PTPN14: variants seen among roughly 807,000 people sequenced by gnomAD.
The protein encoded by PTPN14 is tyrosine-protein phosphatase non-receptor type 14.
In PTPN14, 53 loss-of-function variants were observed where a neutral mutation model predicts 126.8. That is an observed-to-expected ratio of 0.42 (90% CI 0.34 to 0.53). The LOEUF (loss-of-function observed/expected upper bound fraction) is 0.53, where lower values mean the gene tolerates loss of function less well. Ranked by LOEUF, PTPN14 falls within the 20% of genes least tolerant of loss-of-function variation. The probability of loss-of-function intolerance (pLI) is 0.08; values close to 1 mark genes in which losing one functional copy is unlikely to be tolerated. For synonymous variants in PTPN14, 630 were observed against 599.3 expected (o/e 1.05, Z -0.75); for missense variants, 1,257 against 1,552.9 (o/e 0.81, Z 3.20).
At chr1:214,518,436 G>C (rs1037568235) in intron 1 of PTPN14, among the ~76,000 whole-genome samples, 1 of 152,150 alleles carries the variant, frequency 6.6e-6, no homozygotes, top group Admixed American at 6.5e-5. Context: ...TATTAAATAT[G>C]TTACATTACA....
intron 1 of PTPN14, among the ~76,000 whole-genome samples, chr1:214,491,579 A>G (rs1299234408): frequency 6.6e-6 from 1 of 152,084 alleles, no homozygotes; most frequent in Non-Finnish European, 1.5e-5. Flanking sequence ...ATGAGAATCA[A>G]CTGCTGCTGT....
At chr1:214,463,336 C>A (rs1233493185) in intron 2 of PTPN14, among the ~76,000 whole-genome samples, 1 of 151,452 alleles carries the variant, frequency 6.6e-6, no homozygotes, top group Non-Finnish European at 1.5e-5. Flanking sequence ...AGAGAGCCAG[C>A]TACCCATCAA....
At chr1:214,541,136 G>C (rs982325558) in intron 1 of PTPN14, among the ~76,000 whole-genome samples, 3 of 151,626 alleles carry the variant, frequency 2.0e-5, no homozygotes, top group Non-Finnish European at 2.9e-5. Context: ...CTATTATTAG[G>C]GATATTATTA....
chr1:214,533,836 C>CAA (rs1453330162), intron 1 of PTPN14, among the ~76,000 whole-genome samples: 1 of 48,616 alleles, frequency 2.1e-5, no homozygotes. Context: ...GACTCCGTCT[C>CAA]AAAAAACAAA....
chr1:214,403,513 C>G (rs11120310), intron 5 of PTPN14, among the ~76,000 whole-genome samples: 1 of 151,978 alleles, frequency 6.6e-6, no homozygotes, highest in Non-Finnish European at 1.5e-5. Context: ...GCAACAGTTG[C>G]GTAGCTGACT....
intron 1 of PTPN14, among the ~76,000 whole-genome samples, chr1:214,509,266 A>T (rs761542700): frequency 8.5e-5 from 13 of 152,224 alleles, no homozygotes; most frequent in Non-Finnish European, 1.8e-4. Flanking sequence ...TCTTAGCTAG[A>T]TCTTCTGGAT....
At chr1:214,437,395 G>T (rs1659944587) in intron 3 of PTPN14, among the ~76,000 whole-genome samples, 1 of 151,864 alleles carries the variant, frequency 6.6e-6, no homozygotes, top group African/African-American at 2.4e-5. Flanking sequence ...TATAATTCAG[G>T]CCAGTTTTTA....
At chr1:214,401,796 G>A (rs1221556453) in intron 6 of PTPN14, 24 bp from the exon 7 acceptor site, 16 of 1,528,882 alleles carry the variant, frequency 1.0e-5, no homozygotes, top group Non-Finnish European at 1.4e-5. Context: ...AGCATCAAAG[G>A]AAGAAATGGT....
chr1:214,406,353 CT>C (rs1215648396), intron 5 of PTPN14, among the ~76,000 whole-genome samples: 1 of 151,992 alleles, frequency 6.6e-6, no homozygotes, highest in Non-Finnish European at 1.5e-5. Flanking sequence ...TGGCACATGC[CT>C]GTTGTCACAG....
At chr1:214,496,901 C>G (rs1330634736) in intron 1 of PTPN14, among the ~76,000 whole-genome samples, 2 of 151,968 alleles carry the variant, frequency 1.3e-5, no homozygotes, top group African/African-American at 4.8e-5. Flanking sequence ...TTCAGTCTAG[C>G]TCAGTCTTTG....
chr1:214,405,821 A>G (rs1255465933), intron 5 of PTPN14, among the ~76,000 whole-genome samples: 2 of 152,224 alleles, frequency 1.3e-5, no homozygotes, highest in African/African-American at 4.8e-5. Context: ...TAATGCTTAC[A>G]ACGAAATTAG....
At chr1:214,533,530 T>C in intron 1 of PTPN14, 2 of 307,260 alleles carry the variant, frequency 6.5e-6, no homozygotes, top group East Asian at 1.0e-4. Flanking sequence ...TTCAGCGGTT[T>C]AAATAAAAAA....
intron 1 of PTPN14, among the ~76,000 whole-genome samples, chr1:214,496,669 G>A (rs539325151): frequency 5.9e-5 from 9 of 152,304 alleles, no homozygotes; most frequent in African/African-American, 2.2e-4. Flanking sequence ...TAAGGGACCA[G>A]AGAACACTAT....
rs561762676 is a variant in PTPN14 at position 214,511,419 on chromosome 1, C to T, written c.-155+39764G>A. On this transcript the variant is annotated intron_variant, in intron 1 of 18. Transcript: ENST00000366956. ...AGCACATGAAAGATGCTTAGCAACA[C>T]TAATCATCAGTAGAAATCAAAGCCA... 3.3e-5 allele frequency among the ~76,000 whole-genome samples: 5 copies of T among 151,510 alleles called. No individual in the cohort carries two copies. The East Asian group carries it at 9.7e-4, about 29-fold the overall frequency.
At chr1:214,377,496 A>T (rs1658371175) in intron 14 of PTPN14, among the ~76,000 whole-genome samples, 1 of 152,204 alleles carries the variant, frequency 6.6e-6, no homozygotes. Flanking sequence ...CCTATGTAAT[A>T]AACCTTCACA....
At chr1:214,529,216 C>T (rs1655478474) in intron 1 of PTPN14, 1 of 152,178 alleles carries the variant, frequency 6.6e-6, no homozygotes, top group African/African-American at 2.4e-5. Flanking sequence ...ACACAGGAAG[C>T]TGAGGTGGGA....
At chr1:214,371,087 G>A (rs966907670) in intron 16 of PTPN14, among the ~76,000 whole-genome samples, 3 of 151,990 alleles carry the variant, frequency 2.0e-5, no homozygotes, top group Non-Finnish European at 4.4e-5. Context: ...GATTTTAAAA[G>A]ACTATAAGTC....
chr1:214,358,114 T>C (rs2102500809), intron 18 of PTPN14, 64 bp from the exon 19 acceptor site: 1 of 1,571,306 alleles, frequency 6.4e-7, no homozygotes, highest in Middle Eastern at 2.3e-4. Flanking sequence ...GCATTCCTCA[T>C]TCCCTCATTC....
intron 1 of PTPN14, among the ~76,000 whole-genome samples, chr1:214,504,213 T>C (rs17734688): frequency 0.013 from 2,044 of 152,254 alleles, 24 homozygotes; most frequent in Middle Eastern, 0.061. Flanking sequence ...AAGACCTTTA[T>C]ATTACACTCG....
Sources: gnomAD v4.1 joint callset for allele counts (sites outside exome capture counted in the v4.1 genomes callset) on GRCh38, gnomAD v4.1.1 for gene constraint, MANE v1.5 for transcripts, NCBI Gene and HGNC (gene_info 2026-07-23, HGNC 2026-07-21) for gene names.